Variants in ASAP2 observed in about 807,000 individuals in gnomAD.
ASAP2 encodes ArfGAP with SH3 domain, ankyrin repeat and PH domain 2.
In ASAP2, 45 loss-of-function variants were observed where a neutral mutation model predicts 131.4. The ratio of observed to expected loss-of-function variants is 0.34; its 90% CI spans 0.27 to 0.44. The LOEUF (loss-of-function observed/expected upper bound fraction) is 0.44. Among genes scored for constraint, ASAP2 ranks in the 20% least tolerant of loss-of-function variants. The pLI is 1.00. For missense variants in ASAP2, 1,011 were observed against 1,297.0 expected (o/e 0.78, Z 3.39); for synonymous variants, 510 against 503.0 (o/e 1.01, Z -0.19).
chr2:9,303,874 G>T (rs1162260939), intron 3 of ASAP2, among the ~76,000 whole-genome samples: 1 of 152,194 alleles, frequency 6.6e-6, no homozygotes, highest in African/African-American at 2.4e-5. Flanking sequence ...GCCATATTGG[G>T]CAAAGATAGC....
chr2:9,356,470 T>A (rs760167397), intron 14 of ASAP2, 125 bp downstream of exon 14: 6 of 1,134,372 alleles, frequency 5.3e-6, no homozygotes, highest in Non-Finnish European at 6.1e-6. Flanking sequence ...TCAGCCTGAG[T>A]TCATCCCATT....
At position 9,302,477 on chromosome 2, in the gene ASAP2, TTTTG is replaced by T. The variant is rs375556846; in HGVS notation, c.345+5045_345+5048del. Among the ~76,000 whole-genome samples, 834 of 150,992 alleles carry T rather than the reference TTTTG, an allele frequency of 5.5e-3. 6 individuals are homozygous for T. Among genetic ancestry groups the T allele is most frequent in the African/African-American group, 0.015 (618 of 40,986 alleles). The stretch of plus-strand genomic sequence containing the variant: ...TGAGCCACCATGCCTGGCCAACTTT[TTTTG>T]TTTGTTTGTTTGAAACAGAGTCTCA... On this transcript the variant is annotated intron_variant, in intron 3 of 27. Coordinates refer to ENST00000281419, the MANE Select transcript of ASAP2 (RefSeq NM_003887.3).
At chr2:9,238,369 A>G (rs1259280068) in intron 1 of ASAP2, among the ~76,000 whole-genome samples, 3 of 152,316 alleles carry the variant, frequency 2.0e-5, no homozygotes, top group African/African-American at 4.8e-5. Flanking sequence ...TTGATATTTG[A>G]CAATACTCCA....
rs748663101 is a variant in ASAP2, at chr2:9,334,738, T to G, written c.687T>G (p.Asn229Lys). 1.2e-6 allele frequency: 2 copies of G among 1,612,706 alleles called. No individual in the cohort carries two copies. The highest frequency in any genetic ancestry group is 1.7e-6 in the Non-Finnish European group (2 of 1,179,318). ...NLIKYFHAQCNFFQDGLKAVE... is the reference protein window; with the variant it reads ...NLIKYFHAQCKFFQDGLKAVE... ...CTCTGTTTCTTCTTTTTCCTGCTAGTTTTTTTCAGGATGGACTCAAAGCCG... is the reference window on the plus strand; with the variant it reads ...CTCTGTTTCTTCTTTTTCCTGCTAGGTTTTTTCAGGATGGACTCAAAGCCG... The change falls in exon 8 of 28, where the codon AAT becomes AAG. Residue 229 changes from asparagine (N) to lysine (K), a missense_variant and splice_region_variant. Asn to Lys is a moderately conservative substitution (Grantham distance 94). This residue lies in a region of ASAP2 where 359 missense variants were observed against 598.1 expected (regional missense o/e 0.60). Coordinates refer to ENST00000281419, the MANE Select transcript of ASAP2 (RefSeq NM_003887.3).
At chr2:9,346,281 G>T (rs1269180718) in intron 11 of ASAP2, among the ~76,000 whole-genome samples, 2 of 152,040 alleles carry the variant, frequency 1.3e-5, no homozygotes, top group African/African-American at 2.4e-5. Flanking sequence ...GCAAAAATTA[G>T]CCAGGCATGG....
intron 17 of ASAP2, 121 bp from the exon 18 acceptor site, chr2:9,376,787 T>G (rs11679398): frequency 0.02 from 17,191 of 862,328 alleles, 818 homozygotes; most frequent in African/African-American, 0.12. Flanking sequence ...ATGTAAGAGA[T>G]AAGTTTCTCG....
chr2:9,344,988 A>G (rs1030309586), intron 11 of ASAP2, among the ~76,000 whole-genome samples, 188 bp downstream of exon 11: 2 of 36,924 alleles, frequency 5.4e-5, no homozygotes, highest in Admixed American at 4.4e-4. Flanking sequence ...CAGCCTGTTT[A>G]TGTTTTTTTT....
In ASAP2 at chr2:9,268,721, A is replaced by G. The variant is rs983613071; in HGVS notation, c.127-10596A>G. ...GTGTGTTTTGTTTTTTGTTTTGTCTACTGTCTTTCAGAAATGTCCCTTCTT... is the reference window on the plus strand; with the variant it reads ...GTGTGTTTTGTTTTTTGTTTTGTCTGCTGTCTTTCAGAAATGTCCCTTCTT... On this transcript the variant is annotated intron_variant, in intron 1 of 27. Transcript: ENST00000281419. The surrounding 1 kb of genome is among the most constrained non-coding windows in gnomAD (Gnocchi z 4.1). Among the ~76,000 whole-genome samples, 4 of 152,138 alleles carry G rather than the reference A, an allele frequency of 2.6e-5. No homozygotes were observed. Among genetic ancestry groups the G allele is most frequent in the East Asian group, 3.8e-4 (2 of 5,198 alleles).
chr2:9,364,581 T>C (rs557717277), intron 15 of ASAP2, among the ~76,000 whole-genome samples: 1 of 152,348 alleles, frequency 6.6e-6, no homozygotes, highest in South Asian at 2.1e-4. Context: ...TTTCTGTTTC[T>C]TGACTTTCTT....
chr2:9,212,800 A>C (rs961031402), intron 1 of ASAP2, among the ~76,000 whole-genome samples: 1 of 152,080 alleles, frequency 6.6e-6, no homozygotes, highest in Non-Finnish European at 1.5e-5. Flanking sequence ...CATCACCTGG[A>C]AACTTGCTGA....
In ASAP2 at chr2:9,391,293, C is replaced by T. The variant is rs890778094; in HGVS notation, c.2518+97C>T. 8 of 1,484,556 alleles carry T rather than the reference C, an allele frequency of 5.4e-6. No homozygotes were observed. In the East Asian group the frequency reaches 9.1e-5, roughly 17 times the overall value. The allele number at this position is 1,484,556 out of a possible 1,614,324, so 92.0% of individuals were successfully genotyped here. On this transcript the variant is annotated intron_variant, in intron 23 of 27. Transcript: ENST00000281419. The stretch of plus-strand genomic sequence containing the variant: ...AGCCACACAGCTGCCAGCACAGACA[C>T]GTGCCAAGTGCCCCGTGTTGTATGG...
chr2:9,337,666 G>A (rs1275651257), intron 9 of ASAP2, among the ~76,000 whole-genome samples: 6 of 152,170 alleles, frequency 3.9e-5, no homozygotes. Flanking sequence ...TTGAAGGAAT[G>A]AAGAGTGGCC....
intron 1 of ASAP2, among the ~76,000 whole-genome samples, chr2:9,225,787 C>A (rs1329622001): frequency 2.0e-5 from 3 of 152,090 alleles, no homozygotes; most frequent in Non-Finnish European, 4.4e-5. Context: ...TGGATTAGGG[C>A]ATAGGGAATA....
At chr2:9,215,109 T>A (rs919040417) in intron 1 of ASAP2, among the ~76,000 whole-genome samples, 1 of 152,198 alleles carries the variant, frequency 6.6e-6, no homozygotes, top group African/African-American at 2.4e-5. Context: ...TAAGAGCCTA[T>A]TGCTCCTAGG....
chr2:9,319,857 T>A (rs10203328), intron 4 of ASAP2, among the ~76,000 whole-genome samples: 1 of 151,976 alleles, frequency 6.6e-6, no homozygotes, highest in Non-Finnish European at 1.5e-5. Context: ...TCTATTTCTG[T>A]CGTTGGGCTT....
At position 9,317,495 on chromosome 2, in the gene ASAP2, A is replaced by C. The variant is rs537634834; in HGVS notation, c.346-1029A>C. On this transcript the variant is annotated intron_variant, in intron 3 of 27. Transcript: ENST00000281419. ...TACTCAGTCACTTACACCCTTACAC[A>C]CCCACTTACACCCCCACAATCACAC... Among the ~76,000 whole-genome samples, 5 of 146,184 alleles carry C rather than the reference A, an allele frequency of 3.4e-5. No individual in the cohort carries two copies. In the East Asian group the frequency reaches 1.0e-3, roughly 31 times the overall value.
intron 4 of ASAP2, among the ~76,000 whole-genome samples, chr2:9,319,325 G>A (rs991778440): frequency 1.3e-5 from 2 of 152,242 alleles, no homozygotes; most frequent in South Asian, 2.1e-4. Context: ...GGGTCCCATC[G>A]GGGATGACTG....
At chr2:9,252,032 GGTGTTAGA>G (rs1342291710) in intron 1 of ASAP2, among the ~76,000 whole-genome samples, 2 of 152,088 alleles carry the variant, frequency 1.3e-5, no homozygotes, top group African/African-American at 4.8e-5. Context: ...CTGGCCAGTA[GGTGTTAGA>G]GTGTTAGCCT....
At chr2:9,383,618 C>T (rs1461785227) in intron 20 of ASAP2, among the ~76,000 whole-genome samples, 1 of 152,056 alleles carries the variant, frequency 6.6e-6, no homozygotes. Context: ...AATTCAGACC[C>T]TTCCCATAAT....
Sources: gnomAD v4.1 joint callset for allele counts (sites outside exome capture counted in the v4.1 genomes callset) on GRCh38, gnomAD v4.1.1 for gene constraint, gnomAD v4.1.1 regional missense constraint, Gnocchi (gnomAD v3.1) non-coding constraint, MANE v1.5 for transcripts, NCBI Gene and HGNC (gene_info 2026-07-23, HGNC 2026-07-21) for gene names.